HUS1: variants seen among roughly 807,000 people sequenced by gnomAD.
The protein encoded by HUS1 is checkpoint protein HUS1.
HUS1 carries 31 observed loss-of-function variants against 32.6 expected under a neutral mutation model. The observed-to-expected ratio is 0.95, with a 90% CI of 0.72 to 1.28. The LOEUF is 1.28. HUS1 is among the 50% of genes most tolerant of loss of function. HUS1 has a pLI of 0.00. For missense variants in HUS1, 340 were observed against 337.7 expected (o/e 1.01, Z -0.05); for synonymous variants, 123 against 116.6 (o/e 1.06, Z -0.36).
rs1267363174 is a variant in HUS1 at position 47,976,855 on chromosome 7, TA to T, written c.358-19del. On this transcript the variant is annotated intron_variant, in intron 3 of 7. Coordinates refer to ENST00000258774, the MANE Select transcript of HUS1 (RefSeq NM_004507.4). ...ATAGATAACTGCCAAGAAAAGAATT[TA>T]AAAATATTTTTATGTTGTTAATATT... The T allele has an allele frequency of 6.6e-7, 1 of 1,518,430 alleles. No homozygotes were observed. The highest frequency in any genetic ancestry group is 9.1e-7 in the Non-Finnish European group (1 of 1,095,262). 94.1% of individuals were successfully genotyped at this position (1,518,430 alleles called of 1,614,324 possible).
intron 3 of HUS1, 194 bp downstream of exon 3, chr7:47,978,223 G>A (rs1788747990): frequency 2.0e-6 from 1 of 501,862 alleles, no homozygotes; most frequent in South Asian, 3.6e-5. Context: ...CTAGCTGAAT[G>A]CATATGATAA....
intron 7 of HUS1, among the ~76,000 whole-genome samples, chr7:47,967,545 C>CG (rs1788503221): frequency 6.6e-6 from 1 of 152,184 alleles, no homozygotes; most frequent in Non-Finnish European, 1.5e-5. Context: ...CAGCACACAA[C>CG]CCACCTACCA....
chr7:47,965,290 A>C lies in HUS1; in HGVS notation c.*66T>G. 1 of 1,037,956 alleles carries C rather than the reference A, an allele frequency of 9.6e-7. No homozygotes were observed. The allele number at this position is 1,037,956 out of a possible 1,614,324, so 64.3% of individuals were successfully genotyped here. ...TGTGAGGGCACAGACCAGTGATCAG[A>C]ACACAACACCTGCGGCCTCTCCCAT... On this transcript the variant is annotated 3_prime_UTR_variant, in exon 8 of 8. Transcript: ENST00000258774.
At chr7:47,966,959 C>A (rs1428949016) in intron 7 of HUS1, among the ~76,000 whole-genome samples, 1 of 152,176 alleles carries the variant, frequency 6.6e-6, no homozygotes, top group South Asian at 2.1e-4. Flanking sequence ...CACCCATTGC[C>A]CCTCCCATGG....
rs1355835969 is a variant in HUS1, at chr7:47,968,502, C to T, written c.641-577G>A. Among the ~76,000 whole-genome samples, 3 of 152,196 alleles carry T rather than the reference C, an allele frequency of 2.0e-5. No individual in the cohort carries two copies. In the East Asian group the frequency reaches 5.8e-4, roughly 29 times the overall value. On this transcript the variant is annotated intron_variant, in intron 6 of 7. Transcript: ENST00000258774. ...AAATCTGTGTTTATATTCAAGCAGA[C>T]TCGTAGTAACTTAAATGTGACTAGG... is the stretch of plus-strand genomic sequence containing the variant.
intron 5 of HUS1, among the ~76,000 whole-genome samples, chr7:47,972,359 G>C (rs1423913342): frequency 6.6e-6 from 1 of 152,170 alleles, no homozygotes; most frequent in South Asian, 2.1e-4. Context: ...AAATTCCTAA[G>C]AATCTCAGTA....
At chr7:47,972,448 C>A (rs1431367546) in intron 5 of HUS1, among the ~76,000 whole-genome samples, 1 of 152,174 alleles carries the variant, frequency 6.6e-6, no homozygotes, top group Non-Finnish European at 1.5e-5. Context: ...TCAATACTTA[C>A]TGAAGAAACT....
At chr7:47,975,522 C>T (rs763314403) in intron 5 of HUS1, 91 bp downstream of exon 5, 10 of 802,524 alleles carry the variant, frequency 1.2e-5, no homozygotes, top group Non-Finnish European at 2.2e-5. Context: ...AGGAGGTGCC[C>T]ACCTGCATGG....
rs567292691 is a variant in HUS1, at chr7:47,978,506, G to A, written c.268C>T (p.Arg90Ter). Residue 90 changes from arginine to a stop codon, truncating the protein, a stop_gained, in exon 3 of 8, where the codon CGA (arginine) becomes TGA (stop). Coordinates refer to ENST00000258774, the MANE Select transcript of HUS1 (RefSeq NM_004507.4). LOFTEE classifies it high-confidence loss of function. ...YLELTSENLS[R>*]ALKTAQNARA... ...GCATTCTGGGCAGTCTTCAAGGCTCGAGATAAGTTTTCCGATGTTAGCTCT... is the reference window on the plus strand; with the variant it reads ...GCATTCTGGGCAGTCTTCAAGGCTCAAGATAAGTTTTCCGATGTTAGCTCT... 3.5e-5 allele frequency: 57 copies of A among 1,614,160 alleles called. No homozygotes were observed. The highest frequency in any genetic ancestry group is 5.0e-5 in the Admixed American group (3 of 60,030).
At chr7:47,975,332 A>G (rs1330383909) in intron 5 of HUS1, among the ~76,000 whole-genome samples, 1 of 151,950 alleles carries the variant, frequency 6.6e-6, no homozygotes, top group Non-Finnish European at 1.5e-5. Flanking sequence ...AAAAAAAAAA[A>G]AAAGAAAGAT....
chr7:47,977,417 T>C (rs934022858), intron 3 of HUS1, among the ~76,000 whole-genome samples: 17 of 152,238 alleles, frequency 1.1e-4, no homozygotes, highest in African/African-American at 3.9e-4. Flanking sequence ...ACTATATTTA[T>C]TTCTAGGGGC....
chr7:47,965,320 A>C lies in HUS1; in HGVS notation c.*36T>G, dbSNP rs757878706. On this transcript the variant is annotated 3_prime_UTR_variant, in exon 8 of 8. Coordinates refer to ENST00000258774, the MANE Select transcript of HUS1 (RefSeq NM_004507.4). ...AACACCTGCGGCCTCTCCCATCCTG[A>C]CAAAGTCTCTGCATGCCAACTCCAG... The C allele has an allele frequency of 6.8e-7, 1 of 1,464,104 alleles. No individual in the cohort carries two copies. Among genetic ancestry groups the C allele is most frequent in the Non-Finnish European group, 9.6e-7 (1 of 1,042,726 alleles). The allele number at this position is 1,464,104 out of a possible 1,614,324, so 90.7% of individuals were successfully genotyped here.
chr7:47,971,996 G>A (rs1003352699), intron 5 of HUS1, among the ~76,000 whole-genome samples: 15 of 152,122 alleles, frequency 9.9e-5, no homozygotes, highest in South Asian at 2.1e-4. Flanking sequence ...CTTACCTGTT[G>A]TATAATCTAC....
At chr7:47,978,168 G>A in intron 3 of HUS1, 1 of 407,860 alleles carries the variant, frequency 2.5e-6, no homozygotes, top group South Asian at 4.5e-5. Context: ...ACCACTACAA[G>A]AAACAGAGAG....
rs1295626546 is a variant in HUS1 at position 47,967,839 on chromosome 7, C to T, written c.727G>A (p.Gly243Arg). The change falls in exon 7 of 8, where the codon GGA becomes AGA. Residue 243 changes from glycine (G) to arginine (R), a missense_variant. Transcript: ENST00000258774. ...DIRKLLQFLA[G>R]QQVNPTKALC... ...GCCTTTGTGGGATTTACTTGTTGTC[C>T]AGCAAGAAACTGTAGGAGCTTCCTA... 1 of 1,613,902 alleles carries T rather than the reference C, an allele frequency of 6.2e-7. No individual in the cohort carries two copies. Among genetic ancestry groups the T allele is most frequent in the East Asian group, 2.2e-5 (1 of 44,880 alleles).
In HUS1 at chr7:47,964,243, T is replaced by G. The variant is rs1342228301; in HGVS notation, c.*1113A>C. 6.6e-6 allele frequency: 1 copy of G among 152,250 alleles called. No homozygotes were observed. The highest frequency in any genetic ancestry group is 6.5e-5 in the Admixed American group (1 of 15,284). The allele number at this position is 152,250 out of a possible 1,614,324, so 9.4% of individuals were successfully genotyped here. On this transcript the variant is annotated 3_prime_UTR_variant, in exon 8 of 8. Transcript: ENST00000258774. ...AAAATTGAAAATTAGCTGGGTGTGG[T>G]GGTGCACACCAGTAGTCCCAGCTAG... is the stretch of plus-strand genomic sequence containing the variant.
At chr7:47,977,353 T>C (rs1416239487) in intron 3 of HUS1, among the ~76,000 whole-genome samples, 3 of 151,622 alleles carry the variant, frequency 2.0e-5, no homozygotes, top group African/African-American at 7.3e-5. Flanking sequence ...GAGAAGGCCA[T>C]TCTTTGGGCA....
intron 5 of HUS1, among the ~76,000 whole-genome samples, chr7:47,973,178 G>C (rs1037066524): frequency 1.3e-5 from 2 of 152,206 alleles, no homozygotes; most frequent in Non-Finnish European, 2.9e-5. Context: ...ACAGGACTGT[G>C]AGTCAATTAA....
intron 1 of HUS1, 58 bp from the exon 2 acceptor site, chr7:47,978,874 C>A: frequency 6.6e-7 from 1 of 1,525,018 alleles, no homozygotes; most frequent in Non-Finnish European, 8.9e-7. Flanking sequence ...TCCTAGAGAC[C>A]AACTTATTTT....
Sources: allele counts gnomAD v4.1 joint callset (sites outside exome capture counted in the v4.1 genomes callset), GRCh38; gene constraint gnomAD v4.1.1; transcripts MANE v1.5; gene names NCBI Gene and HGNC (gene_info 2026-07-23, HGNC 2026-07-21).